The following UGT1A9 variants were observed in gnomAD, a reference collection of about 807,000 sequenced individuals.
UGT1A9 encodes the protein UDP-glucuronosyltransferase 1A9.
In UGT1A9, 35 loss-of-function variants were observed where a neutral mutation model predicts 45.0. The observed-to-expected ratio is 0.78, with a 90% CI of 0.59 to 1.03. The LOEUF (loss-of-function observed/expected upper bound fraction) is 1.03, where lower values mean the gene tolerates loss of function less well. UGT1A9 is among the 50% of genes least tolerant of loss of function. UGT1A9 has a pLI of 0.00. For missense variants in UGT1A9, 687 were observed against 666.6 expected (o/e 1.03, Z -0.34); for synonymous variants, 278 against 250.6 (o/e 1.11, Z -1.03).
Position 233,772,612 on chromosome 2 carries a change from A to C in UGT1A9, c.*53A>C. ...TTGAACCATTCCCTAGTCATTTCCAAACTTGAAAACAGAATCAGTGTTAAA... is the reference window on the plus strand; with the variant it reads ...TTGAACCATTCCCTAGTCATTTCCACACTTGAAAACAGAATCAGTGTTAAA... On this transcript the variant is annotated 3_prime_UTR_variant, in exon 5 of 5. Coordinates refer to ENST00000354728, the MANE Select transcript of UGT1A9 (RefSeq NM_021027.3). The C allele has an allele frequency of 6.3e-7, 1 of 1,577,490 alleles. No homozygotes were observed. Among genetic ancestry groups the C allele is most frequent in the Non-Finnish European group, 8.6e-7 (1 of 1,160,700 alleles).
chr2:233,698,160 C>T (rs1351823823), intron 1 of UGT1A9, among the ~76,000 whole-genome samples: 1 of 152,066 alleles, frequency 6.6e-6, no homozygotes, highest in Non-Finnish European at 1.5e-5. Flanking sequence ...GCATGTCGTC[C>T]TAGAGAACAT....
chr2:233,729,918 C>T (rs748265194), intron 1 of UGT1A9: 1 of 1,613,918 alleles, frequency 6.2e-7, no homozygotes, highest in African/African-American at 1.3e-5. Context: ...TTGTGATGGA[C>T]TACCCCAGGC....
intron 1 of UGT1A9, among the ~76,000 whole-genome samples, chr2:233,733,088 C>T (rs1321589207): frequency 6.6e-6 from 1 of 152,072 alleles, no homozygotes; most frequent in Non-Finnish European, 1.5e-5. Flanking sequence ...AATGGGAGTT[C>T]ACTCATGGTT....
intron 1 of UGT1A9, chr2:233,760,695 C>T: frequency 1.9e-6 from 3 of 1,614,208 alleles, no homozygotes; most frequent in Non-Finnish European, 2.5e-6. Context: ...ACAAGGAGCT[C>T]ATGGCCTCCC....
intron 1 of UGT1A9, chr2:233,755,031 C>T: frequency 7.6e-7 from 1 of 1,312,808 alleles, no homozygotes; most frequent in South Asian, 1.2e-5. Context: ...GAAGGGCCTG[C>T]CGCCTGCGCA....
rs2074538998 is a variant in UGT1A9, at chr2:233,681,773, A to C, written c.855+8984A>C. The C allele has an allele frequency of 8.5e-6, 8 of 938,028 alleles. No individual in the cohort carries two copies. In the South Asian group the frequency reaches 3.9e-4, roughly 46 times the overall value. 58.1% of individuals were successfully genotyped at this position (938,028 alleles called of 1,614,324 possible). On this transcript the variant is annotated intron_variant, in intron 1 of 4. Coordinates refer to ENST00000354728, the MANE Select transcript of UGT1A9 (RefSeq NM_021027.3). Reference sequence around the variant, plus strand: ...GCAGGTATCTCAGCAAAGGCTACTCATGTATTATTATGAGTAAATCATTGG... The same window carrying C: ...GCAGGTATCTCAGCAAAGGCTACTCCTGTATTATTATGAGTAAATCATTGG...
Position 233,727,783 on chromosome 2 carries a change from T to A in UGT1A9, c.856-39251T>A, listed in dbSNP as rs377176798. Among the ~76,000 whole-genome samples, 8 of 152,336 alleles carry A rather than the reference T, an allele frequency of 5.3e-5. No individual in the cohort carries two copies. The East Asian group carries it at 7.7e-4, about 15-fold the overall frequency. Reference sequence around the variant, plus strand: ...AGCTGGGTGTCCCCCAGTAGACGCTTCCATTCACTGCCTGTCCCATGGGTT... The same window carrying A: ...AGCTGGGTGTCCCCCAGTAGACGCTACCATTCACTGCCTGTCCCATGGGTT... On this transcript the variant is annotated intron_variant, in intron 1 of 4. Coordinates refer to ENST00000354728, the MANE Select transcript of UGT1A9 (RefSeq NM_021027.3).
At chr2:233,675,757 C>G (rs1296567461) in intron 1 of UGT1A9, among the ~76,000 whole-genome samples, 1 of 152,060 alleles carries the variant, frequency 6.6e-6, no homozygotes, top group Non-Finnish European at 1.5e-5. Flanking sequence ...TTTATTCTAT[C>G]TTTTTAAAGA....
At chr2:233,747,691 T>C in intron 1 of UGT1A9, 3 of 1,611,090 alleles carry the variant, frequency 1.9e-6, no homozygotes, top group Non-Finnish European at 2.5e-6. Flanking sequence ...TGTGGGGCAG[T>C]GCTGGCTAAG....
At chr2:233,724,125 C>T (rs2077171619) in intron 1 of UGT1A9, among the ~76,000 whole-genome samples, 1 of 108,600 alleles carries the variant, frequency 9.2e-6, no homozygotes, top group African/African-American at 4.7e-5. Flanking sequence ...AGGCGCCCCT[C>T]ACCTCCCGGA....
intron 1 of UGT1A9, among the ~76,000 whole-genome samples, chr2:233,732,747 C>T (rs2078308352): frequency 6.7e-6 from 1 of 150,262 alleles, no homozygotes; most frequent in South Asian, 2.1e-4. Flanking sequence ...CATGATGCCA[C>T]CAGCTTTGTT....
intron 1 of UGT1A9, among the ~76,000 whole-genome samples, chr2:233,690,308 C>T (rs1218520610): frequency 6.6e-6 from 1 of 152,180 alleles, no homozygotes; most frequent in Non-Finnish European, 1.5e-5. Context: ...GGCTCCATTA[C>T]TTATGGGTCG....
intron 1 of UGT1A9, among the ~76,000 whole-genome samples, chr2:233,715,081 T>C (rs2076431286): frequency 1.3e-5 from 2 of 152,268 alleles, no homozygotes; most frequent in South Asian, 4.1e-4. Flanking sequence ...AGATGGAGTT[T>C]CATCATATTG....
rs753512191 is a variant in UGT1A9 at position 233,755,032 on chromosome 2, C to T, written c.856-12002C>T. The T allele has an allele frequency of 5.3e-6, 7 of 1,314,500 alleles. No individual in the cohort carries two copies. In the Admixed American group the frequency reaches 9.5e-5, roughly 18 times the overall value. The allele number at this position is 1,314,500 out of a possible 1,614,324, so 81.4% of individuals were successfully genotyped here. A position where few individuals can be genotyped will look rare whatever the true frequency, so the allele number is the denominator to read the frequency against. ...TCGAAGGGGTCCTTGAAGGGCCTGC[C>T]GCCTGCGCAGCCGCCCTCCGCCCTC... On this transcript the variant is annotated intron_variant, in intron 1 of 4. Coordinates refer to ENST00000354728, the MANE Select transcript of UGT1A9 (RefSeq NM_021027.3).
chr2:233,729,993 G>T (rs1356280713), intron 1 of UGT1A9: 1 of 1,613,886 alleles, frequency 6.2e-7, no homozygotes, highest in Non-Finnish European at 8.5e-7. Flanking sequence ...CACTATCTCA[G>T]GTCTGTATTG....
chr2:233,726,801 T>G (rs2077562254), intron 1 of UGT1A9, among the ~76,000 whole-genome samples: 1 of 152,218 alleles, frequency 6.6e-6, no homozygotes, highest in Non-Finnish European at 1.5e-5. Context: ...ATTCAAGGCT[T>G]GGAGGTTTTC....
chr2:233,724,525 T>G (rs2077275879), intron 1 of UGT1A9, among the ~76,000 whole-genome samples: 2 of 90,906 alleles, frequency 2.2e-5, no homozygotes, highest in African/African-American at 4.9e-5. Flanking sequence ...CCAGATGGGG[T>G]CTCGCCGGGC....
rs1681915037 is a variant in UGT1A9 at position 233,713,066 on chromosome 2, G to C, written c.855+40277G>C. On this transcript the variant is annotated intron_variant, in intron 1 of 4. Coordinates refer to ENST00000354728, the MANE Select transcript of UGT1A9 (RefSeq NM_021027.3). ...TGCTTCTCCTCAGTGTCCAGCCCTG[G>C]GCTGAGAGTGGGAAGGTGCTGGTGG... The C allele has an allele frequency of 2.5e-6, 4 of 1,614,136 alleles. No homozygotes were observed. In the South Asian group the frequency reaches 4.4e-5, roughly 18 times the overall value.
At chr2:233,734,935 C>A (rs1354608889) in intron 1 of UGT1A9, among the ~76,000 whole-genome samples, 1 of 152,058 alleles carries the variant, frequency 6.6e-6, no homozygotes, top group African/African-American at 2.4e-5. Flanking sequence ...TACTTACAAT[C>A]ATATGGTCAG....
Sources: allele counts gnomAD v4.1 joint callset (sites outside exome capture counted in the v4.1 genomes callset), GRCh38; gene constraint gnomAD v4.1.1; transcripts MANE v1.5; gene names NCBI Gene and HGNC (gene_info 2026-07-23, HGNC 2026-07-21).